The following SOX6 variants were observed in gnomAD, a reference collection of about 807,000 sequenced individuals.
SOX6 encodes SRY-box transcription factor 6, also known as transcription factor SOX-6.
In SOX6, 11 loss-of-function variants were observed where a neutral mutation model predicts 97.8. The ratio of observed to expected loss-of-function variants is 0.11; its 90% CI spans 0.07 to 0.19. SOX6 has a LOEUF of 0.19. Among genes scored for constraint, SOX6 ranks in the 10% least tolerant of loss-of-function variants. SOX6 has a pLI of 1.00. For synonymous variants in SOX6, 360 were observed against 371.4 expected (o/e 0.97, Z 0.35); for missense variants, 810 against 1,039.5 (o/e 0.78, Z 3.04).
chr11:16,050,637 CAT>C (rs1847662686), intron 10 of SOX6, among the ~76,000 whole-genome samples: 2 of 152,180 alleles, frequency 1.3e-5, no homozygotes, highest in South Asian at 4.1e-4. Context: ...TGCTTTTCTA[CAT>C]ATATTTACAG....
At chr11:16,436,676 A>G (rs1453293630) in intron 1 of SOX6, among the ~76,000 whole-genome samples, 3 of 152,164 alleles carry the variant, frequency 2.0e-5, no homozygotes, top group Non-Finnish European at 2.9e-5. Context: ...AGGTTTTGTA[A>G]TAATAATATC....
At chr11:15,982,828 T>C (rs777220153) in intron 15 of SOX6, among the ~76,000 whole-genome samples, 2 of 152,042 alleles carry the variant, frequency 1.3e-5, no homozygotes, top group Non-Finnish European at 2.9e-5. Flanking sequence ...GAGGGCTGAA[T>C]GTACCTGCAT....
chr11:16,340,131 T>G (rs960703890), intron 2 of SOX6, among the ~76,000 whole-genome samples: 10 of 152,094 alleles, frequency 6.6e-5, no homozygotes, highest in African/African-American at 1.7e-4. Context: ...ATATGTGTTA[T>G]TAGTAGTAAA....
intron 1 of SOX6, among the ~76,000 whole-genome samples, chr11:16,401,220 T>C (rs1858549816): frequency 6.6e-6 from 1 of 151,554 alleles, no homozygotes. Context: ...TGAAAGTATC[T>C]CACACAGTGC....
chr11:16,027,742 G>C (rs1480521460), intron 12 of SOX6, among the ~76,000 whole-genome samples: 1 of 152,200 alleles, frequency 6.6e-6, no homozygotes, highest in East Asian at 1.9e-4. Context: ...ATGCCTCCAC[G>C]TGCTGCATAT....
intron 3 of SOX6, among the ~76,000 whole-genome samples, chr11:16,307,127 T>A (rs567587492): frequency 6.6e-6 from 1 of 152,174 alleles, no homozygotes; most frequent in African/African-American, 2.4e-5. Flanking sequence ...TAATATAAAA[T>A]GGGGCTTGAA....
At chr11:16,179,630 A>C (rs1422935692) in intron 6 of SOX6, among the ~76,000 whole-genome samples, 1 of 151,944 alleles carries the variant, frequency 6.6e-6, no homozygotes, top group Non-Finnish European at 1.5e-5. Context: ...AGGGCAATGA[A>C]TATTGCACAT....
Position 16,055,905 on chromosome 11 carries a change from C to T in SOX6, c.1102-4G>A. 1 of 1,613,246 alleles carries T rather than the reference C, an allele frequency of 6.2e-7. No homozygotes were observed. Reference sequence around the variant, plus strand: ...CCAGCTGAGCGGCATAGAGCTGCTGCAAAACAGGGAAGACAAACATTGATC... The same window carrying T: ...CCAGCTGAGCGGCATAGAGCTGCTGTAAAACAGGGAAGACAAACATTGATC... On this transcript the variant is annotated splice_region_variant and splice_polypyrimidine_tract_variant and intron_variant, in intron 9 of 15. Transcript: ENST00000683767.
chr11:16,224,027 C>T (rs540862513), intron 4 of SOX6, among the ~76,000 whole-genome samples: 1 of 151,892 alleles, frequency 6.6e-6, no homozygotes, highest in East Asian at 1.9e-4. Context: ...CCAATTTTGC[C>T]TCCTTTCCCT....
Position 16,153,878 on chromosome 11 carries a change from G to A in SOX6, c.777+30008C>T, listed in dbSNP as rs540722846. Among the ~76,000 whole-genome samples, 4 of 152,088 alleles carry A rather than the reference G, an allele frequency of 2.6e-5. No homozygotes were observed. In the South Asian group the frequency reaches 8.3e-4, roughly 32 times the overall value. The stretch of plus-strand genomic sequence containing the variant: ...AAAATCCAAATTGAGATATAATGAA[G>A]TTTAACTTCTTTTCTCTGGAGAGTA... On this transcript the variant is annotated intron_variant, in intron 6 of 15. Transcript: ENST00000683767.
chr11:16,261,654 A>G (rs1293396622), intron 3 of SOX6, among the ~76,000 whole-genome samples: 2 of 151,976 alleles, frequency 1.3e-5, no homozygotes, highest in Non-Finnish European at 1.5e-5. Context: ...AAAATGACCT[A>G]CAAATGAGTG....
At chr11:16,260,280 G>A (rs988692499) in intron 3 of SOX6, among the ~76,000 whole-genome samples, 2 of 152,066 alleles carry the variant, frequency 1.3e-5, no homozygotes, top group African/African-American at 4.8e-5. Context: ...GATTACAGGC[G>A]TGAGCCACTG....
intron 4 of SOX6, among the ~76,000 whole-genome samples, chr11:16,509,499 C>A (rs1321285665): frequency 6.6e-6 from 1 of 151,798 alleles, no homozygotes; most frequent in Admixed American, 6.6e-5. Context: ...AATGGAAACA[C>A]CTTTAATATA....
chr11:16,272,164 G>C (rs1271830158), intron 3 of SOX6, among the ~76,000 whole-genome samples: 1 of 151,230 alleles, frequency 6.6e-6, no homozygotes, highest in Non-Finnish European at 1.5e-5. Flanking sequence ...ATTTTAAATT[G>C]TGTTAATGAT....
intron 6 of SOX6, among the ~76,000 whole-genome samples, chr11:16,153,728 T>C (rs1850521763): frequency 6.6e-6 from 1 of 152,152 alleles, no homozygotes; most frequent in Non-Finnish European, 1.5e-5. Context: ...TCTGCCGAAA[T>C]GCCCACAGAA....
chr11:16,697,336 A>G (rs918201573), intron 3 of SOX6, among the ~76,000 whole-genome samples: 1 of 152,054 alleles, frequency 6.6e-6, no homozygotes. Context: ...ACTCCTTCCT[A>G]AAAGATTTTT....
chr11:16,209,615 C>T lies in SOX6; in HGVS notation c.536-22660G>A, dbSNP rs1050188457. 2.3e-4 allele frequency among the ~76,000 whole-genome samples: 35 copies of T among 152,066 alleles called. 1 individual carries two copies. The highest frequency in any genetic ancestry group is 3.4e-3 in the Middle Eastern group (1 of 294). ...TACTAAAATACACAAATTAGCTGGG[C>T]GTGGTGGTGAGTGCCTGTCCCCAGC... On this transcript the variant is annotated intron_variant, in intron 4 of 15. Coordinates refer to ENST00000683767, the MANE Select transcript of SOX6 (RefSeq NM_001367873.1).
chr11:16,026,501 G>T (rs1855220086), intron 12 of SOX6, among the ~76,000 whole-genome samples: 1 of 152,132 alleles, frequency 6.6e-6, no homozygotes, highest in African/African-American at 2.4e-5. Flanking sequence ...ATTCCTCTGT[G>T]TCCCTAGTTT....
chr11:16,005,796 G>A (rs1357637826), intron 13 of SOX6, among the ~76,000 whole-genome samples: 8 of 151,934 alleles, frequency 5.3e-5, no homozygotes, highest in African/African-American at 1.4e-4. Flanking sequence ...TGAGACTTGG[G>A]ATATTACATT....
Sources: gnomAD v4.1 joint callset for allele counts (sites outside exome capture counted in the v4.1 genomes callset) on GRCh38, gnomAD v4.1.1 for gene constraint, MANE v1.5 for transcripts, NCBI Gene and HGNC (gene_info 2026-07-23, HGNC 2026-07-21) for gene names.